The following PLXNA1 variants were observed in gnomAD, a reference collection of about 807,000 sequenced individuals.
PLXNA1 encodes the protein plexin-A1.
PLXNA1 carries 77 observed loss-of-function variants against 191.7 expected under a neutral mutation model. The ratio of observed to expected loss-of-function variants is 0.40; its 90% CI spans 0.33 to 0.49. The LOEUF (loss-of-function observed/expected upper bound fraction) is 0.49, where lower values mean the gene tolerates loss of function less well. PLXNA1 is among the 20% of genes least tolerant of loss of function. The pLI is 0.63. For synonymous variants in PLXNA1, 1,137 were observed against 1,156.4 expected, an observed-to-expected ratio of 0.98 and a Z score of 0.34; for missense variants, 2,110 against 2,660.2, an observed-to-expected ratio of 0.79 and a Z score of 4.55.
Position 127,011,986 on chromosome 3 carries a change from A to G in PLXNA1, c.2141A>G (p.Gln714Arg). ...TGCCCACAGATCCTGCCCTCCACGCAGATCTACGTGCCAGTGGGAGTGGTA... is the reference window on the plus strand; with the variant it reads ...TGCCCACAGATCCTGCCCTCCACGCGGATCTACGTGCCAGTGGGAGTGGTA... ...EDCPQILPST[Q>R]IYVPVGVVKP... is the part of the protein sequence containing the mutation. Residue 714 changes from glutamine (Q) to arginine (R), a missense_variant, in exon 10 of 32, where the codon CAG (glutamine) becomes CGG (arginine). By Grantham distance (43) the Gln-to-Arg change is conservative. Transcript: ENST00000393409. 1.2e-6 allele frequency: 2 copies of G among 1,613,712 alleles called. No homozygotes were observed. The highest frequency in any genetic ancestry group is 8.5e-7 in the Non-Finnish European group (1 of 1,179,956).
At position 126,989,327 on chromosome 3, in the gene PLXNA1, A is replaced by G; in HGVS notation, c.734A>G (p.Tyr245Cys). 6.2e-7 allele frequency: 1 copy of G among 1,613,654 alleles called. No individual in the cohort carries two copies. Among genetic ancestry groups the G allele is most frequent in the Non-Finnish European group, 8.5e-7 (1 of 1,180,046 alleles). Residue 245 changes from tyrosine (Y) to cysteine (C), a missense_variant, in exon 2 of 32, where the codon TAC (tyrosine) becomes TGC (cysteine). Transcript: ENST00000393409. ...TLSKFPAFDI[Y>C]YVYSFRSEQF... ...TCCAAGTTCCCGGCCTTTGACATCT[A>G]CTATGTGTACAGCTTCCGCAGCGAG...
chr3:127,017,387 C>A (rs188912103), intron 17 of PLXNA1, 38 bp from the exon 18 acceptor site: 5 of 1,597,346 alleles, frequency 3.1e-6, no homozygotes, highest in East Asian at 4.5e-5. Context: ...GGGCCACTCG[C>A]GGAGGTCCCG....
In PLXNA1 at chr3:127,028,208, G is replaced by A. The variant is rs775662123; in HGVS notation, c.4537G>A (p.Glu1513Lys). Residue 1513 changes from glutamate (E) to lysine (K), a missense_variant, in exon 25 of 32, where the codon GAG (glutamate) becomes AAG (lysine). Physicochemically the swap from Glu to Lys is moderately conservative, Grantham distance 56. Transcript: ENST00000393409. ...CCTGAACTGTGTGAACCCTGAGAAT[G>A]AGAATGCACCTGAGGTGCCGGTGAA... ...LTLNCVNPEN[E>K]NAPEVPVKGL... 8 of 1,613,100 alleles carry A rather than the reference G, an allele frequency of 5.0e-6. No individual in the cohort carries two copies.
At position 127,035,284 on chromosome 3, in the gene PLXNA1, GTA is replaced by G. The variant is rs2079235331; in HGVS notation, c.*1268_*1269del. ...AGCCTCAGGCTCCAGCCCCAGTGGG[GTA>G]CTGTACAGTTAACTGAAGAAGAATT... On this transcript the variant is annotated 3_prime_UTR_variant, in exon 32 of 32. Transcript: ENST00000393409. The G allele has an allele frequency of 6.6e-6, 1 of 152,224 alleles. No homozygotes were observed. The highest frequency in any genetic ancestry group is 1.5e-5 in the Non-Finnish European group (1 of 68,048). 9.4% of individuals were successfully genotyped at this position (152,224 alleles called of 1,614,324 possible). A position where few individuals can be genotyped will look rare whatever the true frequency, so the allele number is the denominator to read the frequency against.
At position 127,032,818 on chromosome 3, in the gene PLXNA1, C is replaced by T. The variant is rs761797295; in HGVS notation, c.5577C>T (p.Ile1859=). The T allele has an allele frequency of 1.2e-6, 2 of 1,613,176 alleles. No homozygotes were observed. The highest frequency in any genetic ancestry group is 1.6e-4 in the Middle Eastern group (1 of 6,062). Residue 1859 remains isoleucine (I), a synonymous_variant, in exon 31 of 32, where the codon ATC becomes ATT. Coordinates refer to ENST00000393409, the MANE Select transcript of PLXNA1 (RefSeq NM_032242.4). ...CCTTGCACGAGATCTACTCCTACAT[C>T]ACCAAGTACAAGGATGAGGTGAACA... ...MSALHEIYSY[I]TKYKDEILAA... is the part of the protein sequence containing the mutation.
chr3:127,036,479 T>C lies in PLXNA1; in HGVS notation c.*2462T>C, dbSNP rs928445529. 3.3e-5 allele frequency: 5 copies of C among 152,466 alleles called. No homozygotes were observed. Among genetic ancestry groups the C allele is most frequent in the East Asian group, 1.9e-4 (1 of 5,196 alleles). The allele number at this position is 152,466 out of a possible 1,614,324, so 9.4% of individuals were successfully genotyped here. A position where few individuals can be genotyped will look rare whatever the true frequency, so the allele number is the denominator to read the frequency against. ...TGTCTAGGCGCAAGCACTTTAGCAGTATCTGTTTACATGCGCAAGGATCAA... is the reference window on the plus strand; with the variant it reads ...TGTCTAGGCGCAAGCACTTTAGCAGCATCTGTTTACATGCGCAAGGATCAA... On this transcript the variant is annotated 3_prime_UTR_variant, in exon 32 of 32. Coordinates refer to ENST00000393409, the MANE Select transcript of PLXNA1 (RefSeq NM_032242.4).
In PLXNA1 at chr3:126,983,160, C is replaced by A. The variant is rs1341396498; in HGVS notation, c.-201C>A. Among the ~76,000 whole-genome samples, 1 of 145,360 alleles carries A rather than the reference C, an allele frequency of 6.9e-6. No homozygotes were observed. Among genetic ancestry groups the A allele is most frequent in the African/African-American group, 2.5e-5 (1 of 40,560 alleles). On this transcript the variant is annotated 5_prime_UTR_variant, in exon 1 of 32. Transcript: ENST00000393409. ...GCGCGGCCACGCAGCGGAGCCCGGG[C>A]GCGGCGGCGGCCTCGGCCTGGGCGG...
At chr3:127,022,731 C>T (rs2079157993) in intron 22 of PLXNA1, 21 bp from the exon 23 acceptor site, 1 of 1,610,172 alleles carries the variant, frequency 6.2e-7, no homozygotes, top group East Asian at 2.2e-5. Context: ...CACCACTCTG[C>T]CCATATTCTG....
At position 127,006,212 on chromosome 3, in the gene PLXNA1, C is replaced by A. The variant is rs181041285; in HGVS notation, c.1997+34C>A. On this transcript the variant is annotated intron_variant, in intron 8 of 31. Transcript: ENST00000393409. The stretch of plus-strand genomic sequence containing the variant: ...CTCTAGGCCCCTCCGCCCGCCTGGG[C>A]CTGGGCTACTTGCCCCACTCCCGTC... The A allele has an allele frequency of 1.9e-6, 3 of 1,553,126 alleles. No individual in the cohort carries two copies. In the South Asian group the frequency reaches 3.3e-5, roughly 17 times the overall value.
intron 23 of PLXNA1, among the ~76,000 whole-genome samples, chr3:127,025,641 C>T (rs536610163): frequency 6.6e-6 from 1 of 152,222 alleles, no homozygotes; most frequent in African/African-American, 2.4e-5. Flanking sequence ...CCATTCTACT[C>T]TCTGTCTCTG....
At chr3:126,993,808 G>A (rs574281846) in intron 3 of PLXNA1, among the ~76,000 whole-genome samples, 6 of 152,330 alleles carry the variant, frequency 3.9e-5, no homozygotes, top group East Asian at 3.9e-4. Flanking sequence ...ATGCAGACAC[G>A]GTCATGTTGG....
intron 3 of PLXNA1, among the ~76,000 whole-genome samples, chr3:126,992,169 C>A (rs2078994121): frequency 6.6e-6 from 1 of 152,188 alleles, no homozygotes; most frequent in Non-Finnish European, 1.5e-5. Context: ...TCAGGGTTCT[C>A]CTTTCCTTCC....
chr3:127,031,481 G>T (rs1192177991), intron 29 of PLXNA1, among the ~76,000 whole-genome samples: 1 of 152,140 alleles, frequency 6.6e-6, no homozygotes, highest in Non-Finnish European at 1.5e-5. Flanking sequence ...CGTGCATCCT[G>T]CTGGGGTCTC....
intron 17 of PLXNA1, 108 bp downstream of exon 17, chr3:127,017,145 C>G (rs1206252164): frequency 1.8e-6 from 2 of 1,097,928 alleles, no homozygotes; most frequent in African/African-American, 3.1e-5. Context: ...CTGCCCCTTC[C>G]CAGCTTATGC....
At chr3:126,995,435 C>T (rs966209076) in intron 3 of PLXNA1, among the ~76,000 whole-genome samples, 3 of 152,242 alleles carry the variant, frequency 2.0e-5, no homozygotes, top group South Asian at 2.1e-4. Context: ...TCCTGCAGAG[C>T]GGGTGCTGTC....
intron 23 of PLXNA1, among the ~76,000 whole-genome samples, chr3:127,023,411 G>C (rs1286448261): frequency 1.3e-5 from 2 of 152,222 alleles, no homozygotes; most frequent in Non-Finnish European, 2.9e-5. Flanking sequence ...CAGGTATCTG[G>C]CTTCTCTTGG....
At position 127,034,684 on chromosome 3, in the gene PLXNA1, C is replaced by T. The variant is rs965520739; in HGVS notation, c.*667C>T. Reference sequence around the variant, plus strand: ...CACCTCGCCCCAGAGAGGCTCTGCTCCCTCCTATGGAGGGGCTGTGGGCCA... The same window carrying T: ...CACCTCGCCCCAGAGAGGCTCTGCTTCCTCCTATGGAGGGGCTGTGGGCCA... On this transcript the variant is annotated 3_prime_UTR_variant, in exon 32 of 32. Transcript: ENST00000393409. 1 of 152,728 alleles carries T rather than the reference C, an allele frequency of 6.5e-6. No individual in the cohort carries two copies. The highest frequency in any genetic ancestry group is 1.5e-5 in the Non-Finnish European group (1 of 68,088). The allele number at this position is 152,728 out of a possible 1,614,324, so 9.5% of individuals were successfully genotyped here.
chr3:127,017,874 T>C lies in PLXNA1; in HGVS notation c.3642T>C (p.Thr1214=). 1 of 1,612,552 alleles carries C rather than the reference T, an allele frequency of 6.2e-7. No individual in the cohort carries two copies. The highest frequency in any genetic ancestry group is 8.5e-7 in the Non-Finnish European group (1 of 1,179,968). ...TQLLCEAPNL[T]GQHKVTVRAG... is the part of the protein sequence containing the mutation. ...TGCTGTGCGAGGCGCCCAACCTCAC[T>C]GGGCAGCACAAGGTCACGGTGCGTC... The change falls in exon 19 of 32, where the codon ACT becomes ACC. Residue 1214 remains threonine (T), a synonymous_variant. Transcript: ENST00000393409.
At chr3:127,003,293 T>C (rs1043039247) in intron 3 of PLXNA1, 37 bp from the exon 4 acceptor site, 6 of 1,548,686 alleles carry the variant, frequency 3.9e-6, no homozygotes, top group Non-Finnish European at 5.3e-6. Context: ...CAGGGAGGTA[T>C]CAGCACAGCT....
Sources: gnomAD v4.1 joint callset for allele counts (sites outside exome capture counted in the v4.1 genomes callset) on GRCh38, gnomAD v4.1.1 for gene constraint, MANE v1.5 for transcripts, NCBI Gene and HGNC (gene_info 2026-07-23, HGNC 2026-07-21) for gene names.